Variants in FHL5 observed in about 807,000 individuals in gnomAD.
FHL5 encodes four and a half LIM domains 5, also known as four and a half LIM domains protein 5.
A neutral mutation model predicts 32.0 loss-of-function variants in FHL5; 33 were observed. That is an observed-to-expected ratio of 1.03 (90% CI 0.78 to 1.38). FHL5 has a LOEUF of 1.38. Among genes scored for constraint, FHL5 ranks in the 40% most tolerant of loss-of-function variants. The probability of loss-of-function intolerance (pLI) is 0.00; values close to 1 mark genes in which losing one functional copy is unlikely to be tolerated. For missense variants in FHL5, 336 were observed against 343.9 expected, an observed-to-expected ratio of 0.98 and a Z score of 0.18; for synonymous variants, 114 against 113.6, an observed-to-expected ratio of 1.00 and a Z score of -0.02.
At chr6:96,583,929 TTATTC>T (rs1770744959) in intron 1 of FHL5, among the ~76,000 whole-genome samples, 1 of 152,200 alleles carries the variant, frequency 6.6e-6, no homozygotes, top group Non-Finnish European at 1.5e-5. Flanking sequence ...TTTTTATCCT[TTATTC>T]TATTCATAGA....
chr6:96,610,353 T>C (rs961915883), intron 4 of FHL5, among the ~76,000 whole-genome samples: 2 of 152,236 alleles, frequency 1.3e-5, no homozygotes, highest in East Asian at 1.9e-4. Flanking sequence ...TCTCATATTA[T>C]TAATTTTTAA....
rs191256461 is a variant in FHL5, at chr6:96,606,512, C to A, written c.504+441C>A. 8.0e-4 allele frequency among the ~76,000 whole-genome samples: 121 copies of A among 152,048 alleles called. 1 individual carries two copies. In the South Asian group the frequency reaches 0.015, roughly 19 times the overall value. ...GATTACAGGTGCGTGCCACTGTGTCCAGCTAATTTTTGTATTTTTAGTAGA... is the reference window on the plus strand; with the variant it reads ...GATTACAGGTGCGTGCCACTGTGTCAAGCTAATTTTTGTATTTTTAGTAGA... On this transcript the variant is annotated intron_variant, in intron 4 of 5. Transcript: ENST00000450218.
chr6:96,576,745 T>C (rs1770592008), intron 1 of FHL5, among the ~76,000 whole-genome samples: 1 of 152,254 alleles, frequency 6.6e-6, no homozygotes, highest in Admixed American at 6.5e-5. Flanking sequence ...CCAGGCTGTC[T>C]TGTAGGTGCC....
intron 5 of FHL5, among the ~76,000 whole-genome samples, chr6:96,614,358 T>G (rs976546613): frequency 6.6e-6 from 1 of 152,184 alleles, no homozygotes; most frequent in African/African-American, 2.4e-5. Flanking sequence ...TAATTTACAT[T>G]TATTAGGAAG....
Position 96,606,085 on chromosome 6 carries a change from GA to G in FHL5, c.504+15del. The G allele has an allele frequency of 3.7e-6, 6 of 1,610,540 alleles. No homozygotes were observed. In the South Asian group the frequency reaches 6.6e-5, roughly 18 times the overall value. On this transcript the variant is annotated intron_variant, in intron 4 of 5. Coordinates refer to ENST00000450218, the MANE Select transcript of FHL5 (RefSeq NM_001322466.2). ...TTTTGTAAGAAGGTAATTTTCTAAA[GA>G]GGGTGAAGCTTGTGGAAACTCAGAC...
intron 1 of FHL5, among the ~76,000 whole-genome samples, chr6:96,584,809 G>A (rs1770766125): frequency 6.6e-6 from 1 of 152,122 alleles, no homozygotes; most frequent in Non-Finnish European, 1.5e-5. Context: ...TGGTCCACCA[G>A]ATATGTGAGG....
intron 1 of FHL5, among the ~76,000 whole-genome samples, chr6:96,595,652 T>C (rs561374036): frequency 5.9e-5 from 9 of 151,880 alleles, no homozygotes; most frequent in Non-Finnish European, 1.3e-4. Flanking sequence ...TTGTATTTTA[T>C]AGTATATCTT....
rs1168636713 is a variant in FHL5, at chr6:96,602,426, C to CTTTTTTTTTTTTT, written c.-12-1150_-12-1138dup. Among the ~76,000 whole-genome samples, 20 of 33,706 alleles carry CTTTTTTTTTTTTT rather than the reference C, an allele frequency of 5.9e-4. 8 individuals are homozygous for CTTTTTTTTTTTTT. Among genetic ancestry groups the CTTTTTTTTTTTTT allele is most frequent in the Non-Finnish European group, 9.1e-4 (14 of 15,326 alleles). The allele number at this position is 33,706 out of a possible 152,430, so 22.1% of individuals were successfully genotyped here. A position where few individuals can be genotyped will look rare whatever the true frequency, so the allele number is the denominator to read the frequency against. ...ACCTGGAAATCTATATGCGTTGTTTCTTTTTTTTTTTTTTTTTTTTTTTTT... is the reference window on the plus strand; with the variant it reads ...ACCTGGAAATCTATATGCGTTGTTTCTTTTTTTTTTTTTTTTTTTTTTTTTTTTTTTTTTTTTT... On this transcript the variant is annotated intron_variant, in intron 1 of 5. Transcript: ENST00000450218.
intron 5 of FHL5, among the ~76,000 whole-genome samples, chr6:96,612,153 C>T (rs796856996): frequency 2.4e-4 from 36 of 152,294 alleles, no homozygotes; most frequent in African/African-American, 8.7e-4. Context: ...AATCCCACAC[C>T]ACTCGGCTCC....
At chr6:96,587,125 T>A (rs1202037543) in intron 1 of FHL5, among the ~76,000 whole-genome samples, 3 of 152,196 alleles carry the variant, frequency 2.0e-5, no homozygotes, top group Non-Finnish European at 4.4e-5. Flanking sequence ...CAAAGAACAA[T>A]AACATCTGTT....
intron 1 of FHL5, among the ~76,000 whole-genome samples, chr6:96,591,630 C>G (rs1271181745): frequency 2.6e-5 from 4 of 152,072 alleles, no homozygotes; most frequent in Non-Finnish European, 4.4e-5. Context: ...TCTCCATTGT[C>G]TAGCTTCCTT....
intron 1 of FHL5, among the ~76,000 whole-genome samples, chr6:96,567,277 T>G (rs1770377668): frequency 6.6e-6 from 1 of 152,044 alleles, no homozygotes; most frequent in African/African-American, 2.4e-5. Flanking sequence ...TTGGCAGCTT[T>G]GTTGAAAATC....
chr6:96,577,311 T>C (rs2127961401), intron 1 of FHL5, among the ~76,000 whole-genome samples: 1 of 152,160 alleles, frequency 6.6e-6, no homozygotes, highest in South Asian at 2.1e-4. Context: ...GCTTCAGGTA[T>C]AGATACTGGA....
At chr6:96,575,909 G>A (rs944033746) in intron 1 of FHL5, among the ~76,000 whole-genome samples, 13 of 152,182 alleles carry the variant, frequency 8.5e-5, no homozygotes, top group African/African-American at 3.1e-4. Context: ...CCATAGCAAT[G>A]TGTAGTTAAG....
intron 1 of FHL5, among the ~76,000 whole-genome samples, chr6:96,589,814 T>C (rs539301516): frequency 1.3e-5 from 2 of 152,168 alleles, no homozygotes; most frequent in East Asian, 3.9e-4. Context: ...AACACTGAGA[T>C]CTATGGTTCA....
rs1456496834 is a variant in FHL5, at chr6:96,616,368, G to A, written c.*596G>A. The A allele has an allele frequency of 1.3e-5, 2 of 152,138 alleles. No individual in the cohort carries two copies. The highest frequency in any genetic ancestry group is 2.9e-5 in the Non-Finnish European group (2 of 68,026). The allele number at this position is 152,138 out of a possible 1,614,324, so 9.4% of individuals were successfully genotyped here. On this transcript the variant is annotated 3_prime_UTR_variant, in exon 6 of 6. Transcript: ENST00000450218. Reference sequence around the variant, plus strand: ...TACACACTGCTTCCACAGCTTGCTAGTTCTGTGTTTACTCAATGGAATATG... The same window carrying A: ...TACACACTGCTTCCACAGCTTGCTAATTCTGTGTTTACTCAATGGAATATG...
chr6:96,614,054 CAT>C (rs1771466686), intron 5 of FHL5, among the ~76,000 whole-genome samples: 1 of 152,214 alleles, frequency 6.6e-6, no homozygotes, highest in Non-Finnish European at 1.5e-5. Flanking sequence ...AGGGAGTAAA[CAT>C]ATTCCTTTTG....
At chr6:96,564,307 A>T (rs996231035) in intron 1 of FHL5, among the ~76,000 whole-genome samples, 3 of 152,174 alleles carry the variant, frequency 2.0e-5, no homozygotes, top group African/African-American at 7.2e-5. Flanking sequence ...TATTGCAAAC[A>T]TATGTATCAT....
chr6:96,618,308 TA>T lies in FHL5; in HGVS notation c.*2540del, dbSNP rs1771562401. On this transcript the variant is annotated 3_prime_UTR_variant, in exon 6 of 6. Transcript: ENST00000450218. The stretch of plus-strand genomic sequence containing the variant: ...ACATCTGCATGGGCAGGAAAGAAGT[TA>T]AAAGCAAATCCCATGTGCCAATAAC... Among the ~76,000 whole-genome samples the T allele has an allele frequency of 6.6e-6, 1 of 152,150 alleles. No individual in the cohort carries two copies. Among genetic ancestry groups the T allele is most frequent in the African/African-American group, 2.4e-5 (1 of 41,436 alleles).
Sources: gnomAD v4.1 joint callset for allele counts (sites outside exome capture counted in the v4.1 genomes callset) on GRCh38, gnomAD v4.1.1 for gene constraint, MANE v1.5 for transcripts, NCBI Gene and HGNC (gene_info 2026-07-23, HGNC 2026-07-21) for gene names.